The following ALG1L2 variants were observed in gnomAD, a reference collection of about 807,000 sequenced individuals.
The protein encoded by ALG1L2 is ALG1 chitobiosyldiphosphodolichol beta-mannosyltransferase like 2.
Under a neutral mutation model 29.0 loss-of-function variants are expected in ALG1L2, and 32 were observed. The observed-to-expected ratio is 1.10, with a 90% CI of 0.83 to 1.48. The LOEUF (loss-of-function observed/expected upper bound fraction) is 1.48, where lower values mean the gene tolerates loss of function less well. Ranked by LOEUF, ALG1L2 falls within the 40% of genes most tolerant of loss-of-function variation. ALG1L2 has a pLI of 0.00. For synonymous variants in ALG1L2, 110 were observed against 109.5 expected (o/e 1.00, Z -0.03); for missense variants, 318 against 274.1 (o/e 1.16, Z -1.13).
At chr3:130,095,593 C>A (rs1461858359) in intron 5 of ALG1L2, among the ~76,000 whole-genome samples, 1 of 151,434 alleles carries the variant, frequency 6.6e-6, no homozygotes, top group South Asian at 2.1e-4. Flanking sequence ...CCTGCCATGA[C>A]GCTTCGCTAA....
chr3:130,095,464 T>C (rs1402293751), intron 5 of ALG1L2, among the ~76,000 whole-genome samples: 1 of 151,402 alleles, frequency 6.6e-6, no homozygotes, highest in Non-Finnish European at 1.5e-5. Flanking sequence ...AGACGGAGTT[T>C]CGCTCCTGTA....
At chr3:130,093,202 G>A (rs756653317) in intron 4 of ALG1L2, 42 bp downstream of exon 4, 8 of 1,593,258 alleles carry the variant, frequency 5.0e-6, no homozygotes, top group South Asian at 2.2e-5. Flanking sequence ...TTGGGGGATG[G>A]TGGAGGGGGA....
chr3:130,092,475 G>A (rs1451941838), intron 3 of ALG1L2, among the ~76,000 whole-genome samples: 1 of 152,206 alleles, frequency 6.6e-6, no homozygotes, highest in Non-Finnish European at 1.5e-5. Flanking sequence ...AGGAGCTCTG[G>A]GCTCGTCGGG....
intron 5 of ALG1L2, 36 bp downstream of exon 5, chr3:130,094,549 G>A (rs767611027): frequency 1.7e-5 from 26 of 1,558,412 alleles, no homozygotes; most frequent in Admixed American, 8.5e-5. Flanking sequence ...GAGGAGGCGG[G>A]GCCTTATGCA....
chr3:130,092,737 A>T (rs1935044168), intron 3 of ALG1L2, among the ~76,000 whole-genome samples: 1 of 152,152 alleles, frequency 6.6e-6, no homozygotes, highest in South Asian at 2.1e-4. Context: ...GTTTATTTAA[A>T]AATTTTTTTC....
intron 3 of ALG1L2, 123 bp from the exon 4 acceptor site, chr3:130,092,978 T>C (rs1193609154): frequency 9.2e-6 from 9 of 979,380 alleles, no homozygotes; most frequent in African/African-American, 3.7e-5. Flanking sequence ...TGCAGTGAGC[T>C]GAGATCATGC....
Position 130,095,071 on chromosome 3 carries a change from G to A in ALG1L2, c.424+558G>A, listed in dbSNP as rs914996540. Among the ~76,000 whole-genome samples the A allele has an allele frequency of 5.9e-5, 9 of 152,178 alleles. No individual in the cohort carries two copies. In the South Asian group the frequency reaches 6.2e-4, roughly 11 times the overall value. On this transcript the variant is annotated intron_variant, in intron 5 of 7. Transcript: ENST00000425059. The stretch of plus-strand genomic sequence containing the variant: ...TCTTTGTTTTAGACAGTCTTGCTCC[G>A]TTGCCTAGGTTGGAGTGCATGATCT...
At chr3:130,092,671 GGCCTCCCT>G (rs1301352946) in intron 3 of ALG1L2, among the ~76,000 whole-genome samples, 1 of 152,194 alleles carries the variant, frequency 6.6e-6, no homozygotes, top group Non-Finnish European at 1.5e-5. Context: ...AGAGGCTGGT[GGCCTCCCT>G]GCCAGAGCAG....
chr3:130,097,005 C>A (rs1181590101), intron 6 of ALG1L2, among the ~76,000 whole-genome samples, 170 bp from the exon 7 acceptor site: 2 of 152,158 alleles, frequency 1.3e-5, no homozygotes, highest in Non-Finnish European at 2.9e-5. Context: ...CCCCCCCAGG[C>A]TTTTATACCC....
intron 3 of ALG1L2, among the ~76,000 whole-genome samples, 197 bp from the exon 4 acceptor site, chr3:130,092,904 C>T (rs1355249921): frequency 6.6e-6 from 1 of 151,934 alleles, no homozygotes; most frequent in Non-Finnish European, 1.5e-5. Context: ...GTGGTGGGCG[C>T]CTGTAATCCC....
chr3:130,091,743 G>T, intron 2 of ALG1L2: 1 of 585,264 alleles, frequency 1.7e-6, no homozygotes, highest in Non-Finnish European at 3.2e-6. Flanking sequence ...GTCTCATGGG[G>T]CTAAGGAAGG....
intron 1 of ALG1L2, among the ~76,000 whole-genome samples, chr3:130,090,361 TA>T (rs1934990544): frequency 6.6e-6 from 1 of 152,284 alleles, no homozygotes; most frequent in African/African-American, 2.4e-5. Flanking sequence ...TCTCAATAAA[TA>T]AAGAAAGAAA....
At position 130,084,905 on chromosome 3, in the gene ALG1L2, A is replaced by G. The variant is rs1934858458; in HGVS notation, c.20+2869A>G. 2.4e-5 allele frequency among the ~76,000 whole-genome samples: 3 copies of G among 126,796 alleles called. No individual in the cohort carries two copies. The South Asian group carries it at 7.1e-4, about 30-fold the overall frequency. The allele number at this position is 126,796 out of a possible 152,430, so 83.2% of individuals were successfully genotyped here. On this transcript the variant is annotated intron_variant, in intron 1 of 7. Coordinates refer to ENST00000425059, the MANE Select transcript of ALG1L2 (RefSeq NM_001136152.1). ...TCTATATCTACACACAAAAATACAC[A>G]TATATGTAGTGTGTGTGTGTATATA...
chr3:130,092,913 C>G (rs1311378613), intron 3 of ALG1L2, among the ~76,000 whole-genome samples, 188 bp from the exon 4 acceptor site: 1 of 151,342 alleles, frequency 6.6e-6, no homozygotes, highest in Non-Finnish European at 1.5e-5. Context: ...GCCTGTAATC[C>G]CAGCTACTTG....
At chr3:130,090,183 C>T (rs1342457408) in intron 1 of ALG1L2, among the ~76,000 whole-genome samples, 2 of 152,270 alleles carry the variant, frequency 1.3e-5, no homozygotes, top group Non-Finnish European at 2.9e-5. Flanking sequence ...TGGTGAAATC[C>T]CGTCCCTACT....
intron 4 of ALG1L2, among the ~76,000 whole-genome samples, chr3:130,093,651 T>C (rs144395822): frequency 0.06 from 9,152 of 152,208 alleles, 354 homozygotes; most frequent in East Asian, 0.19. Flanking sequence ...CTTGAACTCC[T>C]GACCTCAGGT....
In ALG1L2 at chr3:130,094,433, G is replaced by A. The variant is rs757203908; in HGVS notation, c.344G>A (p.Arg115His). The change falls in exon 5 of 8, where the codon CGC (arginine) becomes CAC (histidine). Residue 115 changes from arginine to histidine, a missense_variant. Transcript: ENST00000425059. ...GGGCCTCTGAGGGAGTATTACAGCC[G>A]CCTCATCCACCAGAAGCATTTCCAG... ...GKGPLREYYS[R>H]LIHQKHFQHI... 3.9e-5 allele frequency: 62 copies of A among 1,596,286 alleles called. No individual in the cohort carries two copies. The highest frequency in any genetic ancestry group is 4.5e-4 in the Middle Eastern group (2 of 4,432).
chr3:130,094,346 G>T, intron 4 of ALG1L2, 57 bp from the exon 5 acceptor site: 1 of 1,564,902 alleles, frequency 6.4e-7, no homozygotes, highest in South Asian at 1.1e-5. Flanking sequence ...TTGGGCCTGG[G>T]GCTATGTGGC....
chr3:130,093,736 C>T (rs934165465), intron 4 of ALG1L2, among the ~76,000 whole-genome samples: 1 of 152,140 alleles, frequency 6.6e-6, no homozygotes, highest in African/African-American at 2.4e-5. Context: ...GTCATTGGTG[C>T]CTTAACCAAG....
Sources: allele counts gnomAD v4.1 joint callset (sites outside exome capture counted in the v4.1 genomes callset), GRCh38; gene constraint gnomAD v4.1.1; transcripts MANE v1.5; gene names NCBI Gene and HGNC (gene_info 2026-07-23, HGNC 2026-07-21).